The following SENP5 variants were observed in gnomAD, a reference collection of about 807,000 sequenced individuals.
The protein encoded by SENP5 is SUMO specific peptidase 5, also known as sentrin-specific protease 5.
A neutral mutation model predicts 74.2 loss-of-function variants in SENP5; 21 were observed. The ratio of observed to expected loss-of-function variants is 0.28; its 90% confidence interval spans 0.20 to 0.41. SENP5 has a LOEUF of 0.41. Among genes scored for constraint, SENP5 ranks in the 10% least tolerant of loss-of-function variants. The pLI is 1.00. For synonymous variants in SENP5, 311 were observed against 312.7 expected, an observed-to-expected ratio of 0.99 and a Z score of 0.06; for missense variants, 717 against 889.1, an observed-to-expected ratio of 0.81 and a Z score of 2.46.
At chr3:196,926,959 TG>T (rs906651136) in intron 7 of SENP5, among the ~76,000 whole-genome samples, 4 of 151,932 alleles carry the variant, frequency 2.6e-5, no homozygotes, top group Non-Finnish European at 4.4e-5. Flanking sequence ...CCACTTTTGT[TG>T]GGGGGTGGGG....
At chr3:196,923,052 C>G (rs76701356) in intron 6 of SENP5, among the ~76,000 whole-genome samples, 5 of 152,082 alleles carry the variant, frequency 3.3e-5, no homozygotes, top group Admixed American at 1.3e-4. Context: ...CGTGCCTGGC[C>G]CCTTATACCA....
chr3:196,903,580 A>G lies in SENP5; in HGVS notation c.1854A>G (p.Gly618=), dbSNP rs777811939. The change falls in exon 6 of 10, where the codon GGA becomes GGG. Residue 618 remains glycine, a synonymous_variant. Transcript: ENST00000323460. ...TTCATAGACAGCTGGTAACCAAAGGATATAATGGAGTAAAAAGATGGACTA... is the reference window on the plus strand; with the variant it reads ...TTCATAGACAGCTGGTAACCAAAGGGTATAATGGAGTAAAAAGATGGACTA... The part of the protein sequence containing the change: ...SFFHRQLVTK[G]YNGVKRWTKK... 21 of 1,606,298 alleles carry G rather than the reference A, an allele frequency of 1.3e-5. 1 individual carries two copies. In the South Asian group the frequency reaches 2.4e-4, roughly 18 times the overall value.
intron 6 of SENP5, chr3:196,914,365 G>C (rs1367944491): frequency 6.6e-6 from 1 of 151,570 alleles, no homozygotes; most frequent in Non-Finnish European, 1.5e-5. Context: ...TGTGTGTTCA[G>C]AGATAGTGAG....
At chr3:196,902,367 G>A (rs1291964679) in intron 5 of SENP5, among the ~76,000 whole-genome samples, 2 of 152,170 alleles carry the variant, frequency 1.3e-5, no homozygotes, top group Non-Finnish European at 2.9e-5. Context: ...CTTAGCTAAA[G>A]TAATCCTCTC....
chr3:196,870,099 C>T (rs1299035052), intron 1 of SENP5, among the ~76,000 whole-genome samples: 4 of 152,084 alleles, frequency 2.6e-5, no homozygotes, highest in Non-Finnish European at 1.5e-5. Flanking sequence ...AAGTAGATCA[C>T]CTTGGCATTT....
chr3:196,876,498 A>T (rs924999457), intron 1 of SENP5, among the ~76,000 whole-genome samples: 13 of 149,606 alleles, frequency 8.7e-5, no homozygotes, highest in African/African-American at 3.2e-4. Context: ...AGCCTGGGCG[A>T]CAGAGCGAGA....
intron 6 of SENP5, among the ~76,000 whole-genome samples, chr3:196,907,471 A>G (rs1714950816): frequency 6.8e-6 from 1 of 146,522 alleles, no homozygotes; most frequent in African/African-American, 2.5e-5. Flanking sequence ...AAAAAAAAAG[A>G]TAATGGAAGA....
chr3:196,900,263 T>C, intron 4 of SENP5, 102 bp from the exon 5 acceptor site: 3 of 1,176,092 alleles, frequency 2.6e-6, no homozygotes, highest in South Asian at 3.1e-5. Context: ...ATGTACTGAA[T>C]TGTATAGGGT....
rs912559222 is a variant in SENP5 at position 196,931,585 on chromosome 3, A to G, written c.*662A>G. Reference sequence around the variant, plus strand: ...GGAGGAGTAAGGTGTGAGAAAAAGCAACCTTGGAGGCCAGTAACAATGACA... The same window carrying G: ...GGAGGAGTAAGGTGTGAGAAAAAGCGACCTTGGAGGCCAGTAACAATGACA... On this transcript the variant is annotated 3_prime_UTR_variant, in exon 10 of 10. Transcript: ENST00000323460. 7.8e-6 allele frequency: 2 copies of G among 255,362 alleles called. No homozygotes were observed. Among genetic ancestry groups the G allele is most frequent in the African/African-American group, 4.7e-5 (2 of 42,534 alleles). The allele number at this position is 255,362 out of a possible 1,614,324, so 15.8% of individuals were successfully genotyped here. A position where few individuals can be genotyped will look rare whatever the true frequency, so the allele number is the denominator to read the frequency against.
chr3:196,871,627 A>G (rs1220103337), intron 1 of SENP5, among the ~76,000 whole-genome samples: 3 of 152,082 alleles, frequency 2.0e-5, no homozygotes, highest in Non-Finnish European at 4.4e-5. Context: ...AGGGAGGCCG[A>G]GGTGGGTTGA....
intron 6 of SENP5, among the ~76,000 whole-genome samples, chr3:196,910,843 C>T (rs1239596948): frequency 6.6e-6 from 1 of 152,064 alleles, no homozygotes; most frequent in Admixed American, 6.6e-5. Flanking sequence ...CTACAGTAGC[C>T]AAAACAACGT....
intron 1 of SENP5, among the ~76,000 whole-genome samples, chr3:196,878,561 T>G (rs769544147): frequency 9.2e-5 from 14 of 152,156 alleles, no homozygotes; most frequent in Non-Finnish European, 1.8e-4. Context: ...GAGGTATTGT[T>G]TTGGTATAAA....
At chr3:196,884,339 C>A (rs141761473) in intron 1 of SENP5, among the ~76,000 whole-genome samples, 1 of 152,308 alleles carries the variant, frequency 6.6e-6, no homozygotes, top group East Asian at 1.9e-4. Context: ...CAAGCATACA[C>A]ACATATACTG....
intron 5 of SENP5, among the ~76,000 whole-genome samples, chr3:196,900,710 C>T (rs1044088134): frequency 6.6e-6 from 1 of 151,950 alleles, no homozygotes; most frequent in Admixed American, 6.6e-5. Flanking sequence ...CTCAGCCTCC[C>T]GACTAGCTGG....
intron 6 of SENP5, 49 bp from the exon 7 acceptor site, chr3:196,923,365 T>A: frequency 6.4e-7 from 1 of 1,552,848 alleles, no homozygotes; most frequent in Non-Finnish European, 8.6e-7. Context: ...TTTTGGTGGT[T>A]TGGATAGCCT....
At chr3:196,902,907 C>T (rs1487464176) in intron 5 of SENP5, among the ~76,000 whole-genome samples, 1 of 152,128 alleles carries the variant, frequency 6.6e-6, no homozygotes, top group African/African-American at 2.4e-5. Flanking sequence ...ATCCATCTCC[C>T]TTGAGTTCAA....
chr3:196,924,145 C>T (rs1327845221), intron 7 of SENP5, among the ~76,000 whole-genome samples: 2 of 151,982 alleles, frequency 1.3e-5, no homozygotes, highest in African/African-American at 4.8e-5. Context: ...GAAATCTGTA[C>T]AAAACTGTAA....
chr3:196,878,318 T>C (rs1461970037), intron 1 of SENP5, among the ~76,000 whole-genome samples: 10 of 152,198 alleles, frequency 6.6e-5, no homozygotes, highest in African/African-American at 2.4e-4. Flanking sequence ...CCTCCCTTTC[T>C]TCTCCCCGTA....
chr3:196,898,526 T>C (rs1005969555), intron 2 of SENP5, among the ~76,000 whole-genome samples: 1 of 151,576 alleles, frequency 6.6e-6, no homozygotes, highest in African/African-American at 2.4e-5. Flanking sequence ...GCCCAGGAGT[T>C]TGAGGCTGTA....
Sources: gnomAD v4.1 joint callset for allele counts (sites outside exome capture counted in the v4.1 genomes callset) on GRCh38, gnomAD v4.1.1 for gene constraint, MANE v1.5 for transcripts, NCBI Gene and HGNC (gene_info 2026-07-23, HGNC 2026-07-21) for gene names.